Variants in GREB1 observed in about 807,000 individuals in gnomAD.
GREB1 encodes protein GREB1.
In GREB1, 106 loss-of-function variants were observed where a neutral mutation model predicts 200.7. The observed-to-expected ratio is 0.53, with a 90% confidence interval of 0.45 to 0.62. The LOEUF (loss-of-function observed/expected upper bound fraction) is 0.62. Ranked by LOEUF, GREB1 falls within the 20% of genes least tolerant of loss-of-function variation. The pLI, the probability that GREB1 is intolerant of heterozygous loss-of-function variation, is 0.00. For synonymous variants in GREB1, 1,132 were observed against 1,092.4 expected (o/e 1.04, Z -0.72); for missense variants, 2,243 against 2,556.8 (o/e 0.88, Z 2.65).
At chr2:11,520,110 T>C (rs1330040357) in intron 1 of GREB1, among the ~76,000 whole-genome samples, 1 of 152,150 alleles carries the variant, frequency 6.6e-6, no homozygotes, top group Non-Finnish European at 1.5e-5. Context: ...GGTACCCCAA[T>C]CTGGGAGACA....
At position 11,518,453 on chromosome 2, in the gene GREB1, C is replaced by G. The variant is rs1357951243; in HGVS notation, c.-159+36072C>G. 2.7e-5 allele frequency among the ~76,000 whole-genome samples: 4 copies of G among 150,304 alleles called. No homozygotes were observed. The South Asian group carries it at 8.4e-4, about 31-fold the overall frequency. ...ACACTGAGTTTTGAGTTCCAGAAAC[C>G]TAGAGTCAGGGCATCGAATGAGAAT... On this transcript the variant is annotated intron_variant, in intron 1 of 2. Transcript: ENST00000628795.
At chr2:11,555,951 C>T (rs559830270) in intron 1 of GREB1, among the ~76,000 whole-genome samples, 1 of 152,206 alleles carries the variant, frequency 6.6e-6, no homozygotes, top group South Asian at 2.1e-4. Flanking sequence ...AAATAAATCT[C>T]TTGGGGGATA....
At chr2:11,590,272 G>T (rs1420117832) in intron 10 of GREB1, among the ~76,000 whole-genome samples, 1 of 152,128 alleles carries the variant, frequency 6.6e-6, no homozygotes, top group Non-Finnish European at 1.5e-5. Flanking sequence ...CCTCACCGGG[G>T]CACCATTCTT....
chr2:11,539,017 CCTTCTCTTCTCTTCTCTTCT>C (rs753570964), intron 1 of GREB1, among the ~76,000 whole-genome samples: 28,739 of 79,062 alleles, frequency 0.36, 6,347 homozygotes, highest in South Asian at 0.52. Context: ...CCTTCTCCTC[CCTTCTCTTCTCTTCTCTTCT>C]CTTCTCTTCT....
intron 1 of GREB1, among the ~76,000 whole-genome samples, chr2:11,527,227 G>A (rs370469112): frequency 2.0e-5 from 3 of 151,742 alleles, no homozygotes; most frequent in Non-Finnish European, 4.4e-5. Flanking sequence ...GCTATCATGC[G>A]GTCAAAAAAA....
Position 11,548,260 on chromosome 2 carries a change from A to G in GREB1, c.-161-8194A>G, listed in dbSNP as rs1572652777. On this transcript the variant is annotated intron_variant, in intron 1 of 32. Transcript: ENST00000381486. This position sits in a 1 kb window ranked among gnomAD's most constrained non-coding sequence, Gnocchi z 5.1. ...TGTGCACATACCCAAACATATGTGC[A>G]CACACATGTACAGCCAGACACATGC... 2.1e-5 allele frequency among the ~76,000 whole-genome samples: 3 copies of G among 141,284 alleles called. No individual in the cohort carries two copies. The East Asian group carries it at 6.1e-4, about 29-fold the overall frequency. The allele number at this position is 141,284 out of a possible 152,430, so 92.7% of individuals were successfully genotyped here. A position where few individuals can be genotyped will look rare whatever the true frequency, so the allele number is the denominator to read the frequency against.
At position 11,634,363 on chromosome 2, in the gene GREB1, C is replaced by T. The variant is rs779249119; in HGVS notation, c.5210+14C>T. 6.2e-7 allele frequency: 1 copy of T among 1,604,720 alleles called. No homozygotes were observed. The highest frequency in any genetic ancestry group is 1.1e-5 in the South Asian group (1 of 90,504). On this transcript the variant is annotated intron_variant, in intron 29 of 32. Transcript: ENST00000381486. Reference sequence around the variant, plus strand: ...CAACCAGAACCGGTGAGCTCCTGCACCTGGGGCAGAGGCGGCGGCAGCCCT... The same window carrying T: ...CAACCAGAACCGGTGAGCTCCTGCATCTGGGGCAGAGGCGGCGGCAGCCCT...
At chr2:11,552,870 C>T in intron 1 of GREB1, among the ~76,000 whole-genome samples, 1 of 152,008 alleles carries the variant, frequency 6.6e-6, no homozygotes, top group Non-Finnish European at 1.5e-5. Flanking sequence ...ATTAGCCGGG[C>T]ATGGTGGCGC....
chr2:11,597,653 C>T lies in GREB1; in HGVS notation c.1955-128C>T, dbSNP rs1558610075. On this transcript the variant is annotated intron_variant, in intron 13 of 32. Transcript: ENST00000381486. This position sits in a 1 kb window ranked among gnomAD's most constrained non-coding sequence, Gnocchi z 4.1. The stretch of plus-strand genomic sequence containing the variant: ...GGGACTTGATAAACGTGAGTTATTC[C>T]CCTTTCCCTCATCGCTTTGTGAATG... 1.3e-6 allele frequency: 1 copy of T among 784,254 alleles called. No homozygotes were observed. Among genetic ancestry groups the T allele is most frequent in the Non-Finnish European group, 2.2e-6 (1 of 457,420 alleles). The allele number at this position is 784,254 out of a possible 1,614,324, so 48.6% of individuals were successfully genotyped here. A position where few individuals can be genotyped will look rare whatever the true frequency, so the allele number is the denominator to read the frequency against.
chr2:11,638,431 G>A (rs560975664), intron 31 of GREB1, among the ~76,000 whole-genome samples: 10 of 152,290 alleles, frequency 6.6e-5, no homozygotes, highest in African/African-American at 1.4e-4. Flanking sequence ...GTGAGCCACC[G>A]CACTCGGCCT....
At position 11,562,299 on chromosome 2, in the gene GREB1, A is replaced by G. The variant is rs573738186; in HGVS notation, c.158-164A>G. Among the ~76,000 whole-genome samples, 3 of 152,346 alleles carry G rather than the reference A, an allele frequency of 2.0e-5. No individual in the cohort carries two copies. In the South Asian group the frequency reaches 6.2e-4, roughly 32 times the overall value. ...AGGACAAGTTAATTTCGAACTAGCT[A>G]GACGTGCTGAGTGCTTGTTAAGGAT... On this transcript the variant is annotated intron_variant, in intron 2 of 32. Transcript: ENST00000381486.
rs372022602 is a variant in GREB1, at chr2:11,626,976, C to T, written c.4321C>T (p.Arg1441Trp). 54 of 1,614,004 alleles carry T rather than the reference C, an allele frequency of 3.3e-5. No individual in the cohort carries two copies. The highest frequency in any genetic ancestry group is 3.6e-5 in the Non-Finnish European group (42 of 1,179,998). The change falls in exon 25 of 33, where the codon CGG becomes TGG. Residue 1441 changes from arginine to tryptophan, a missense_variant. By Grantham distance (101) the Arg-to-Trp change is moderately radical (BLOSUM62 -3). Around this residue, in one of 3 missense-constraint regions of GREB1, gnomAD observed 587 missense variants for 553.1 expected, o/e 1.06. Transcript: ENST00000381486. ...GIKSEDRGMS[R>W]KPEDLYVRRQ... ...ATTTGGTGCAGACAGAGGGATGTCC[C>T]GGAAGCCGGAGGACCTTTATGTGCG...
At chr2:11,516,783 C>T (rs1322930984) in intron 1 of GREB1, among the ~76,000 whole-genome samples, 5 of 152,204 alleles carry the variant, frequency 3.3e-5, no homozygotes, top group African/African-American at 9.7e-5. Context: ...AGCTGCCACA[C>T]GCAAGCAAGA....
chr2:11,600,104 G>A (rs1269159752), intron 15 of GREB1, among the ~76,000 whole-genome samples: 2 of 152,216 alleles, frequency 1.3e-5, no homozygotes, highest in Non-Finnish European at 2.9e-5. Flanking sequence ...ACCTCGTAAA[G>A]GGTTTACAAT....
Position 11,627,112 on chromosome 2 carries a change from C to G in GREB1, c.4449+8C>G, listed in dbSNP as rs754864379. On this transcript the variant is annotated splice_region_variant and intron_variant, in intron 25 of 32. Transcript: ENST00000381486. ...TTCCACCCCCGCTACCAGGTAGGCC[C>G]CAGCAGTTCCCCACCAGGCATTTCA... is the stretch of plus-strand genomic sequence containing the variant. 1 of 1,572,948 alleles carries G rather than the reference C, an allele frequency of 6.4e-7. No individual in the cohort carries two copies. The highest frequency in any genetic ancestry group is 8.6e-7 in the Non-Finnish European group (1 of 1,159,182).
rs1684517542 is a variant in GREB1 at position 11,627,022 on chromosome 2, G to A, written c.4367G>A (p.Arg1456Lys). 1 of 1,614,032 alleles carries A rather than the reference G, an allele frequency of 6.2e-7. No homozygotes were observed. The highest frequency in any genetic ancestry group is 1.7e-5 in the Admixed American group (1 of 60,006). The part of the protein sequence containing the change: ...LYVRRQTARM[R>K]LSKYAAYNTY... ...GTGCGGCGTCAGACGGCACGGATGA[G>A]ACTGTCCAAGTACGCAGCGTACAAC... The change falls in exon 25 of 33, where the codon AGA (arginine) becomes AAA (lysine). Residue 1456 changes from arginine to lysine, a missense_variant. Arg to Lys is a conservative substitution (Grantham distance 26). Around this residue, in one of 3 missense-constraint regions of GREB1, gnomAD observed 587 missense variants for 553.1 expected, o/e 1.06. Coordinates refer to ENST00000381486, the MANE Select transcript of GREB1 (RefSeq NM_014668.4).
At position 11,592,941 on chromosome 2, in the gene GREB1, T is replaced by A. The variant is rs1274089718; in HGVS notation, c.1511T>A (p.Leu504Gln). 1 of 1,584,732 alleles carries A rather than the reference T, an allele frequency of 6.3e-7. No individual in the cohort carries two copies. Among genetic ancestry groups the A allele is most frequent in the Admixed American group, 1.8e-5 (1 of 56,278 alleles). ...APVTSAQLPW[L>Q]ASLAASSCND... ...GTGACCTCCGCGCAGCTGCCCTGGC[T>A]GGCCAGCCTGGCCGCCAGCTCCTGC... The change falls in exon 11 of 33, where the codon CTG becomes CAG. Residue 504 changes from leucine to glutamine, a missense_variant. Physicochemically the swap from Leu to Gln is moderately radical, Grantham distance 113. Coordinates refer to ENST00000381486, the MANE Select transcript of GREB1 (RefSeq NM_014668.4).
intron 1 of GREB1, among the ~76,000 whole-genome samples, chr2:11,488,873 T>TAAA (rs148433563): frequency 2.8e-5 from 3 of 105,780 alleles, no homozygotes; most frequent in African/African-American, 6.3e-5. Context: ...CAGTTTTCAT[T>TAAA]AAAAAAAAAA....
intron 17 of GREB1, among the ~76,000 whole-genome samples, chr2:11,605,266 C>G (rs1377516305): frequency 6.7e-6 from 1 of 149,666 alleles, no homozygotes; most frequent in Non-Finnish European, 1.5e-5. Flanking sequence ...CACTCTGTCG[C>G]CCAGGCTGAA....
Sources: gnomAD v4.1 joint callset for allele counts (sites outside exome capture counted in the v4.1 genomes callset) on GRCh38, gnomAD v4.1.1 for gene constraint, gnomAD v4.1.1 regional missense constraint, Gnocchi (gnomAD v3.1) non-coding constraint, MANE v1.5 for transcripts, NCBI Gene and HGNC (gene_info 2026-07-23, HGNC 2026-07-21) for gene names.